Variants in MYO1H observed in about 807,000 individuals in gnomAD.
MYO1H encodes the protein unconventional myosin-Ih.
A neutral mutation model predicts 149.3 loss-of-function variants in MYO1H; 118 were observed. The ratio of observed to expected loss-of-function variants is 0.79; its 90% CI spans 0.68 to 0.92. The LOEUF is 0.92. Ranked by LOEUF, MYO1H falls within the 40% of genes least tolerant of loss-of-function variation. The pLI is 0.00. For synonymous variants in MYO1H, 447 were observed against 465.2 expected, an observed-to-expected ratio of 0.96 and a Z score of 0.50; for missense variants, 1,212 against 1,280.7, an observed-to-expected ratio of 0.95 and a Z score of 0.82.
intron 1 of MYO1H, among the ~76,000 whole-genome samples, chr12:109,373,128 T>C (rs540322819): frequency 2.6e-5 from 4 of 152,164 alleles, no homozygotes; most frequent in Non-Finnish European, 5.9e-5. Flanking sequence ...TTACATATCA[T>C]ATATAATGTT....
At chr12:109,367,438 A>G (rs776315167) in intron 1 of MYO1H, among the ~76,000 whole-genome samples, 4 of 152,226 alleles carry the variant, frequency 2.6e-5, no homozygotes, top group Non-Finnish European at 5.9e-5. Context: ...TAAAAGACCC[A>G]TAACACAAGT....
intron 1 of MYO1H, among the ~76,000 whole-genome samples, chr12:109,371,213 C>CTTTTTTTTTTTTTTTTT (rs34350111): frequency 4.2e-5 from 5 of 118,346 alleles, no homozygotes; most frequent in Non-Finnish European, 6.9e-5. Flanking sequence ...TTTTTTCTTT[C>CTTTTTTTTTTTTTTTTT]TTTTTTTTTT....
At chr12:109,349,496 C>CCCCA (rs1370661576) in intron 1 of MYO1H, among the ~76,000 whole-genome samples, 3 of 80,856 alleles carry the variant, frequency 3.7e-5, no homozygotes, top group African/African-American at 1.8e-4. Flanking sequence ...GACCCCCCCA[C>CCCCA]CAAAAAAATT....
chr12:109,323,744 G>A, the MYO1H span, among the ~76,000 whole-genome samples: 2 of 152,098 alleles, frequency 1.3e-5, no homozygotes, highest in Non-Finnish European at 2.9e-5. Context: ...AACGAGTCGG[G>A]GTTTGATTCA....
chr12:109,351,783 C>T (rs1259770854), intron 1 of MYO1H, among the ~76,000 whole-genome samples: 2 of 152,136 alleles, frequency 1.3e-5, no homozygotes, highest in Non-Finnish European at 2.9e-5. Context: ...GCCGAAAACA[C>T]GGATTCTGGA....
the MYO1H span, among the ~76,000 whole-genome samples, chr12:109,339,572 A>G: frequency 3.9e-5 from 6 of 152,204 alleles, no homozygotes; most frequent in African/African-American, 1.4e-4. Context: ...GCAAGAAACA[A>G]ACTGAGATGA....
exon 32 of MYO1H, chr12:109,448,248 C>T (rs1159344970): frequency 1.3e-5 from 2 of 152,218 alleles, no homozygotes; most frequent in East Asian, 1.9e-4. Flanking sequence ...CATGGTTTTG[C>T]TTCAAGTCTC....
At chr12:109,393,724 T>C (rs1869777512) in intron 3 of MYO1H, among the ~76,000 whole-genome samples, 1 of 152,170 alleles carries the variant, frequency 6.6e-6, no homozygotes, top group Non-Finnish European at 1.5e-5. Context: ...TCTAAATCCT[T>C]GATGCATGTT....
At chr12:109,360,827 A>G (rs1015904242) in intron 1 of MYO1H, among the ~76,000 whole-genome samples, 2 of 152,250 alleles carry the variant, frequency 1.3e-5, no homozygotes, top group African/African-American at 4.8e-5. Context: ...CGTTTTAGAC[A>G]TGAGACAACC....
chr12:109,313,479 C>CTGT, the MYO1H span, among the ~76,000 whole-genome samples: 1 of 152,202 alleles, frequency 6.6e-6, no homozygotes, highest in Non-Finnish European at 1.5e-5. Context: ...ATCTCCGCTG[C>CTGT]TGTTAGCATG....
chr12:109,439,368 C>T (rs1037105807), intron 23 of MYO1H, among the ~76,000 whole-genome samples: 6 of 152,176 alleles, frequency 3.9e-5, no homozygotes, highest in African/African-American at 1.4e-4. Context: ...CATGAGCCAC[C>T]ATGCCCAGCC....
chr12:109,439,552 G>C (rs1592820310), intron 23 of MYO1H, 79 bp from the exon 24 acceptor site: 1 of 1,450,396 alleles, frequency 6.9e-7, no homozygotes, highest in East Asian at 2.5e-5. Context: ...GGCCGCCTCT[G>C]AATCAAAGAA....
At chr12:109,328,533 C>T in the MYO1H span, among the ~76,000 whole-genome samples, 1 of 152,146 alleles carries the variant, frequency 6.6e-6, no homozygotes, top group African/African-American at 2.4e-5. Context: ...AACTGAGACA[C>T]TGTGCAGTTA....
the MYO1H span, among the ~76,000 whole-genome samples, chr12:109,330,913 G>GT: frequency 6.6e-6 from 1 of 152,216 alleles, no homozygotes; most frequent in Middle Eastern, 3.4e-3. Context: ...TGTCGGAGGG[G>GT]TTTTTAGCAT....
intron 19 of MYO1H, among the ~76,000 whole-genome samples, chr12:109,431,924 C>T (rs1005030358): frequency 6.6e-6 from 1 of 151,634 alleles, no homozygotes; most frequent in African/African-American, 2.4e-5. Flanking sequence ...CTCAAGCGAT[C>T]CTCCTGCCTC....
chr12:109,312,337 C>T, the MYO1H span, among the ~76,000 whole-genome samples: 7 of 152,060 alleles, frequency 4.6e-5, no homozygotes, highest in Non-Finnish European at 7.4e-5. Flanking sequence ...CTCAGCCTCC[C>T]GAGTAGCTGG....
the MYO1H span, among the ~76,000 whole-genome samples, chr12:109,327,122 C>CTTTTTTTTTTTTTTTTTTTT: frequency 4.5e-5 from 5 of 111,400 alleles, 1 homozygote; most frequent in African/African-American, 1.9e-4. Flanking sequence ...TTTTCTTTTT[C>CTTTTTTTTTTTTTTTTTTTT]TTTTTCTTTT....
chr12:109,311,468 TTA>T, the MYO1H span, among the ~76,000 whole-genome samples: 2 of 152,236 alleles, frequency 1.3e-5, no homozygotes, highest in Non-Finnish European at 2.9e-5. Flanking sequence ...TGTTTTTCCC[TTA>T]TATAAATACA....
At chr12:109,400,256 A>C (rs1384985421) in intron 5 of MYO1H, among the ~76,000 whole-genome samples, 1 of 152,154 alleles carries the variant, frequency 6.6e-6, no homozygotes, top group Non-Finnish European at 1.5e-5. Context: ...CCTTTAGTAG[A>C]TTTACATTGG....
Sources: gnomAD v4.1 joint callset for allele counts (sites outside exome capture counted in the v4.1 genomes callset) on GRCh38, gnomAD v4.1.1 for gene constraint, MANE v1.5 for transcripts, NCBI Gene and HGNC (gene_info 2026-07-23, HGNC 2026-07-21) for gene names.